SLAIN2: variants seen among roughly 807,000 people sequenced by gnomAD.
SLAIN2 encodes SLAIN family member 2.
Under a neutral mutation model 56.6 loss-of-function variants are expected in SLAIN2, and 31 were observed. That is an observed-to-expected ratio of 0.55 (90% confidence interval 0.41 to 0.74). The LOEUF (loss-of-function observed/expected upper bound fraction) is 0.74, where lower values mean the gene tolerates loss of function less well. SLAIN2 is among the 30% of genes least tolerant of loss of function. The probability of loss-of-function intolerance (pLI) is 0.00; values close to 1 mark genes in which losing one functional copy is unlikely to be tolerated. For missense variants in SLAIN2, 777 were observed against 754.2 expected (o/e 1.03, Z -0.35); for synonymous variants, 317 against 284.9 (o/e 1.11, Z -1.13).
chr4:48,391,913 A>G (rs1716243681), intron 6 of SLAIN2, among the ~76,000 whole-genome samples: 3 of 152,216 alleles, frequency 2.0e-5, no homozygotes, highest in Non-Finnish European at 2.9e-5. Context: ...GTAGCATGAA[A>G]CAATAATTGT....
At chr4:48,364,851 C>G (rs892358380) in intron 1 of SLAIN2, among the ~76,000 whole-genome samples, 10 of 73,576 alleles carry the variant, frequency 1.4e-4, no homozygotes, top group South Asian at 5.4e-4. Context: ...AGAGGGAGAC[C>G]GTGGGGAGAC....
chr4:48,393,164 A>G (rs749125740), intron 6 of SLAIN2, among the ~76,000 whole-genome samples: 43 of 151,914 alleles, frequency 2.8e-4, no homozygotes, highest in Admixed American at 5.3e-4. Flanking sequence ...CTTGAGGTCA[A>G]GAGTTCCAGA....
chr4:48,342,711 CTTTTTTTTTTTTTTT>C (rs761272695), intron 1 of SLAIN2, among the ~76,000 whole-genome samples: 52 of 65,938 alleles, frequency 7.9e-4, no homozygotes, highest in African/African-American at 3.2e-3. Context: ...GATGGTGCTG[CTTTTTTTTTTTTTTT>C]TTTTTTTTTG....
chr4:48,420,841 T>C (rs1717127966), intron 7 of SLAIN2, among the ~76,000 whole-genome samples: 1 of 152,186 alleles, frequency 6.6e-6, no homozygotes, highest in African/African-American at 2.4e-5. Flanking sequence ...GAGTATAATC[T>C]ATAAGCATGG....
At chr4:48,342,849 T>C (rs538897577) in intron 1 of SLAIN2, among the ~76,000 whole-genome samples, 38 of 151,470 alleles carry the variant, frequency 2.5e-4, no homozygotes, top group African/African-American at 9.2e-4. Flanking sequence ...ACATCCATCT[T>C]TCATTTCCAC....
At position 48,426,193 on chromosome 4, in the gene SLAIN2, A is replaced by C. The variant is rs1204365449; in HGVS notation, c.*4116A>C. The C allele has an allele frequency of 6.6e-6, 1 of 151,610 alleles. No individual in the cohort carries two copies. Among genetic ancestry groups the C allele is most frequent in the African/African-American group, 2.4e-5 (1 of 41,284 alleles). The allele number at this position is 151,610 out of a possible 1,614,324, so 9.4% of individuals were successfully genotyped here. A position where few individuals can be genotyped will look rare whatever the true frequency, so the allele number is the denominator to read the frequency against. On this transcript the variant is annotated 3_prime_UTR_variant, in exon 8 of 8. Transcript: ENST00000264313. The stretch of plus-strand genomic sequence containing the variant: ...TGTTTCTTTTAAATAAATGTTTCTT[A>C]TGTAAAAATGTTGACATGAGTTTGC...
chr4:48,391,918 A>C (rs1265255895), intron 6 of SLAIN2, among the ~76,000 whole-genome samples: 1 of 152,188 alleles, frequency 6.6e-6, no homozygotes, highest in African/African-American at 2.4e-5. Context: ...ATGAAACAAT[A>C]ATTGTTTTGC....
chr4:48,387,218 G>A (rs1299256127), intron 6 of SLAIN2: 1 of 152,086 alleles, frequency 6.6e-6, no homozygotes, highest in East Asian at 1.9e-4. Flanking sequence ...AAAAACAAAA[G>A]GTTGGGAACC....
intron 1 of SLAIN2, among the ~76,000 whole-genome samples, chr4:48,358,535 C>T (rs10026398): frequency 0.53 from 80,292 of 151,656 alleles, 22,309 homozygotes; most frequent in South Asian, 0.69. Flanking sequence ...AGGCTGGTCT[C>T]GAACTCCTGA....
chr4:48,384,780 A>G (rs1287179088), intron 6 of SLAIN2, among the ~76,000 whole-genome samples: 1 of 152,202 alleles, frequency 6.6e-6, no homozygotes, highest in Non-Finnish European at 1.5e-5. Flanking sequence ...AGGCATTTCT[A>G]CTATAGCACA....
At chr4:48,420,745 C>T (rs12507206) in intron 7 of SLAIN2, among the ~76,000 whole-genome samples, 88,056 of 151,474 alleles carry the variant, frequency 0.58, 26,096 homozygotes, top group South Asian at 0.71. Context: ...TCATTCATTT[C>T]GAATATAATT....
chr4:48,394,136 A>T (rs1716314900), intron 6 of SLAIN2, among the ~76,000 whole-genome samples: 1 of 152,184 alleles, frequency 6.6e-6, no homozygotes, highest in South Asian at 2.1e-4. Context: ...TTGAGTATGC[A>T]GATTATGGTT....
At chr4:48,415,406 GTT>G (rs1716974931) in intron 6 of SLAIN2, among the ~76,000 whole-genome samples, 1 of 59,658 alleles carries the variant, frequency 1.7e-5, no homozygotes, top group Non-Finnish European at 3.8e-5. Context: ...TGATGGGGTT[GTT>G]TGTTTTTTTC....
chr4:48,426,021 A>T lies in SLAIN2; in HGVS notation c.*3944A>T, dbSNP rs1300282706. Reference sequence around the variant, plus strand: ...AGTAATAGAAACTCTGCTGTAGAACATAAACTAAAAATATTAAAAAGTATA... The same window carrying T: ...AGTAATAGAAACTCTGCTGTAGAACTTAAACTAAAAATATTAAAAAGTATA... On this transcript the variant is annotated 3_prime_UTR_variant, in exon 8 of 8. Coordinates refer to ENST00000264313, the MANE Select transcript of SLAIN2 (RefSeq NM_020846.2). 6.6e-6 allele frequency: 1 copy of T among 152,228 alleles called. No homozygotes were observed. Among genetic ancestry groups the T allele is most frequent in the Non-Finnish European group, 1.5e-5 (1 of 68,036 alleles). The allele number at this position is 152,228 out of a possible 1,614,324, so 9.4% of individuals were successfully genotyped here. A position where few individuals can be genotyped will look rare whatever the true frequency, so the allele number is the denominator to read the frequency against.
At chr4:48,391,104 T>A (rs557198752) in intron 6 of SLAIN2, among the ~76,000 whole-genome samples, 1 of 152,342 alleles carries the variant, frequency 6.6e-6, no homozygotes, top group South Asian at 2.1e-4. Flanking sequence ...AATGACAGAA[T>A]TGAGGCAACT....
chr4:48,410,151 A>G (rs1184620156), intron 6 of SLAIN2, among the ~76,000 whole-genome samples: 1 of 152,176 alleles, frequency 6.6e-6, no homozygotes, highest in African/African-American at 2.4e-5. Context: ...GAAGTGTTGT[A>G]AAGTGGAATC....
chr4:48,346,871 C>A (rs892659871), intron 1 of SLAIN2, among the ~76,000 whole-genome samples: 1 of 145,788 alleles, frequency 6.9e-6, no homozygotes, highest in Non-Finnish European at 1.5e-5. Context: ...ACAGGGTCTT[C>A]CCATGTTGCC....
At chr4:48,367,530 G>C (rs565666621) in intron 1 of SLAIN2, among the ~76,000 whole-genome samples, 23 of 152,130 alleles carry the variant, frequency 1.5e-4, no homozygotes, top group African/African-American at 5.3e-4. Context: ...TATTGATAAG[G>C]GTAGAAAATA....
chr4:48,407,256 GTTTCTCCTTAGTCTTCTTC>G (rs1364744096), intron 6 of SLAIN2, among the ~76,000 whole-genome samples: 7 of 151,752 alleles, frequency 4.6e-5, no homozygotes, highest in Non-Finnish European at 7.4e-5. Flanking sequence ...TGACTCTTAT[GTTTCTCCTTAGTCTTCTTC>G]TTAAAATGAT....
Sources: gnomAD v4.1 joint callset for allele counts (sites outside exome capture counted in the v4.1 genomes callset) on GRCh38, gnomAD v4.1.1 for gene constraint, MANE v1.5 for transcripts, NCBI Gene and HGNC (gene_info 2026-07-23, HGNC 2026-07-21) for gene names.